Variants in PAEP observed in about 807,000 individuals in gnomAD.
PAEP encodes the protein glycodelin.
In PAEP, 28 loss-of-function variants were observed where a neutral mutation model predicts 23.0. That is an observed-to-expected ratio of 1.22 (90% CI 0.90 to 1.67). The LOEUF is 1.67. PAEP is among the 40% of genes most tolerant of loss of function. The pLI is 0.00. For missense variants in PAEP, 209 were observed against 226.4 expected (o/e 0.92, Z 0.49); for synonymous variants, 103 against 92.4 (o/e 1.12, Z -0.66).
Position 135,562,844 on chromosome 9 carries a change from G to T in PAEP, c.261G>T (p.Lys87Asn), listed in dbSNP as rs1174384255. 1 of 1,614,050 alleles carries T rather than the reference G, an allele frequency of 6.2e-7. No homozygotes were observed. The highest frequency in any genetic ancestry group is 1.1e-5 in the South Asian group (1 of 91,064). ...HRWENNSCVE[K>N]KVLGEKTENP... The stretch of plus-strand genomic sequence containing the variant: ...GGGAGAACAACAGCTGTGTTGAGAA[G>T]AAGGTCCTTGGAGAGAAGACTGAGA... The change falls in exon 3 of 7, where the codon AAG becomes AAT. Residue 87 changes from lysine to asparagine, a missense_variant. Physicochemically the swap from Lys to Asn is moderately conservative, Grantham distance 94 (BLOSUM62 0). Transcript: ENST00000479141.
intron 3 of PAEP, among the ~76,000 whole-genome samples, chr9:135,563,227 C>CAGGTGGGT (rs1178058647): frequency 2.8e-4 from 43 of 151,616 alleles, no homozygotes; most frequent in Admixed American, 1.6e-3. Context: ...GGCAGGTGGG[C>CAGGTGGGT]AGGTGGGTAG....
chr9:135,562,699 G>C, intron 2 of PAEP, 121 bp from the exon 3 acceptor site: 1 of 874,890 alleles, frequency 1.1e-6, no homozygotes, highest in Non-Finnish European at 1.9e-6. Flanking sequence ...AGGTCTGGGC[G>C]GCTGCGGGCT....
At chr9:135,565,584 C>G (rs991612260) in intron 5 of PAEP, 70 bp downstream of exon 5, 58 of 1,468,222 alleles carry the variant, frequency 4.0e-5, no homozygotes, top group Non-Finnish European at 5.1e-5. Context: ...CCCGAGCCCC[C>G]TGCTGGCTCT....
At chr9:135,563,199 G>T (rs1233976675) in intron 3 of PAEP, among the ~76,000 whole-genome samples, 1 of 152,344 alleles carries the variant, frequency 6.6e-6, no homozygotes, top group African/African-American at 2.4e-5. Context: ...GGCCAGGGAG[G>T]CTGCAGGCGA....
chr9:135,564,320 C>T lies in PAEP; in HGVS notation c.387C>T (p.Thr129=), dbSNP rs1259452306. ...NFLFLCLQDT[T]TPIQSMMCQY... The stretch of plus-strand genomic sequence containing the variant: ...TGTTTCTCTGCCTACAGGACACCAC[C>T]ACCCCCATCCAGAGCATGATGTGCC... The change falls in exon 4 of 7, where the codon ACC becomes ACT. Residue 129 remains threonine, a synonymous_variant. Coordinates refer to ENST00000479141, the MANE Select transcript of PAEP (RefSeq NM_002571.4). 3 of 1,551,488 alleles carry T rather than the reference C, an allele frequency of 1.9e-6. No individual in the cohort carries two copies. The highest frequency in any genetic ancestry group is 2.6e-6 in the Non-Finnish European group (3 of 1,147,382).
At chr9:135,565,189 G>C in intron 4 of PAEP, 1 of 575,564 alleles carries the variant, frequency 1.7e-6, no homozygotes, top group Admixed American at 3.0e-5. Flanking sequence ...GCGGAGCAGA[G>C]GGGGCCGGGC....
Position 135,565,432 on chromosome 9 carries a change from T to A in PAEP, c.444T>A (p.Asp148Glu). The A allele has an allele frequency of 6.3e-7, 1 of 1,585,342 alleles. No homozygotes were observed. The highest frequency in any genetic ancestry group is 1.3e-5 in the African/African-American group (1 of 74,406). Reference protein sequence around the residue: ...QYLARVLVEDDEIMQGFIRAF... With the variant: ...QYLARVLVEDEEIMQGFIRAF... ...CAGCCAGAGTCCTGGTGGAGGACGA[T>A]GAGATCATGCAGGGATTCATCAGGG... The change falls in exon 5 of 7, where the codon GAT becomes GAA. Residue 148 changes from aspartate to glutamate, a missense_variant. By Grantham distance (45) the Asp-to-Glu change is conservative. Coordinates refer to ENST00000479141, the MANE Select transcript of PAEP (RefSeq NM_002571.4).
At chr9:135,561,954 T>G in intron 1 of PAEP, 57 bp downstream of exon 1, 1 of 1,238,828 alleles carries the variant, frequency 8.1e-7, no homozygotes, top group Non-Finnish European at 1.2e-6. Flanking sequence ...GGGTGGGAGC[T>G]GCGGGCAGGC....
At position 135,565,094 on chromosome 9, in the gene PAEP, C is replaced by T. The variant is rs113870038; in HGVS notation, c.422-316C>T. On this transcript the variant is annotated intron_variant, in intron 4 of 6. Transcript: ENST00000479141. ...AGCCTCAGCCATGCTTGGTGAGAGCCGGGCACTGGGAGAGCCAGGCACTGT... is the reference window on the plus strand; with the variant it reads ...AGCCTCAGCCATGCTTGGTGAGAGCTGGGCACTGGGAGAGCCAGGCACTGT... 3.1e-3 allele frequency among the ~76,000 whole-genome samples: 473 copies of T among 152,302 alleles called. 3 individuals are homozygous for T. Among genetic ancestry groups the T allele is most frequent in the African/African-American group, 0.01 (435 of 41,572 alleles).
chr9:135,562,447 CATT>C lies in PAEP; in HGVS notation c.236+15_236+17del, dbSNP rs758055955. On this transcript the variant is annotated intron_variant, in intron 2 of 6. Coordinates refer to ENST00000479141, the MANE Select transcript of PAEP (RefSeq NM_002571.4). ...TCTGCACAGATGGTGGGTTTCTCAT[CATT>C]GAGACGGGCTGGGCGGGGGCTCAGT... 3.1e-6 allele frequency: 5 copies of C among 1,612,374 alleles called. No individual in the cohort carries two copies. Among genetic ancestry groups the C allele is most frequent in the South Asian group, 1.1e-5 (1 of 90,754 alleles).
chr9:135,565,888 C>A, intron 6 of PAEP, 87 bp downstream of exon 6: 3 of 1,409,986 alleles, frequency 2.1e-6, no homozygotes, highest in South Asian at 2.3e-5. Flanking sequence ...CTGGGACAGA[C>A]CCTACTGTGT....
intron 4 of PAEP, chr9:135,564,986 C>A: frequency 3.8e-6 from 2 of 526,204 alleles, no homozygotes; most frequent in Non-Finnish European, 4.9e-6. Context: ...CCAGGAATAC[C>A]AAAATAGCCA....
intron 3 of PAEP, 76 bp downstream of exon 3, chr9:135,562,969 G>T: frequency 8.7e-7 from 1 of 1,149,730 alleles, no homozygotes; most frequent in Non-Finnish European, 1.3e-6. Flanking sequence ...GGCTCTGCTG[G>T]GGCATGAGGG....
chr9:135,562,938 T>TAGCA (rs1832379634), intron 3 of PAEP, 45 bp downstream of exon 3: 1 of 1,449,868 alleles, frequency 6.9e-7, no homozygotes, highest in African/African-American at 1.4e-5. Context: ...GCTGGCATGC[T>TAGCA]AGCCACGCTC....
In PAEP at chr9:135,562,904, C is replaced by T; in HGVS notation, c.310+11C>T. ...AGTTCAAGATCAACTGTGAGTGTCC[C>T]CAGGCCCCAAGGGCTGGCTCAGTGC... On this transcript the variant is annotated intron_variant, in intron 3 of 6. Coordinates refer to ENST00000479141, the MANE Select transcript of PAEP (RefSeq NM_002571.4). 4 of 1,609,650 alleles carry T rather than the reference C, an allele frequency of 2.5e-6. No homozygotes were observed. The South Asian group carries it at 3.3e-5, about 13-fold the overall frequency.
chr9:135,566,056 T>C (rs1052708352), intron 6 of PAEP: 8 of 558,242 alleles, frequency 1.4e-5, no homozygotes, highest in Non-Finnish European at 2.2e-5. Flanking sequence ...CATGCTTTCT[T>C]TTGGGGTTAG....
intron 4 of PAEP, 137 bp from the exon 5 acceptor site, chr9:135,565,273 A>G: frequency 1.4e-6 from 1 of 717,800 alleles, no homozygotes; most frequent in South Asian, 1.6e-5. Context: ...CTAGGGACCT[A>G]CTCCAGACCA....
chr9:135,565,386 G>C, intron 4 of PAEP, 24 bp from the exon 5 acceptor site: 2 of 1,600,206 alleles, frequency 1.2e-6, no homozygotes, highest in Non-Finnish European at 1.7e-6. Flanking sequence ...CAGGGGCCCA[G>C]GACTGACCCA....
At chr9:135,561,962 G>A (rs1011480696) in intron 1 of PAEP, 65 bp downstream of exon 1, 6 of 1,247,666 alleles carry the variant, frequency 4.8e-6, no homozygotes, top group Non-Finnish European at 6.8e-6. Context: ...GCTGCGGGCA[G>A]GCAGGAAGCC....
Sources: allele counts gnomAD v4.1 joint callset (sites outside exome capture counted in the v4.1 genomes callset), GRCh38; gene constraint gnomAD v4.1.1; transcripts MANE v1.5; gene names NCBI Gene and HGNC (gene_info 2026-07-23, HGNC 2026-07-21).